Variants in SYCP2L observed in about 807,000 individuals in gnomAD.
SYCP2L encodes synaptonemal complex protein 2-like.
A neutral mutation model predicts 125.8 loss-of-function variants in SYCP2L; 98 were observed. The ratio of observed to expected loss-of-function variants is 0.78; its 90% CI spans 0.66 to 0.92. SYCP2L has a LOEUF of 0.92. SYCP2L is among the 40% of genes least tolerant of loss of function. The pLI is 0.00. For synonymous variants in SYCP2L, 317 were observed against 325.4 expected, an observed-to-expected ratio of 0.97 and a Z score of 0.28; for missense variants, 842 against 936.4, an observed-to-expected ratio of 0.90 and a Z score of 1.32.
intron 20 of SYCP2L, among the ~76,000 whole-genome samples, chr6:10,932,692 A>G (rs2113360546): frequency 6.6e-6 from 1 of 152,326 alleles, no homozygotes; most frequent in South Asian, 2.1e-4. Context: ...ATGGACCCAA[A>G]GAACAGTTTC....
Position 10,958,893 on chromosome 6 carries a change from A to G in SYCP2L, c.2255+18A>G. 1 of 1,610,408 alleles carries G rather than the reference A, an allele frequency of 6.2e-7. No individual in the cohort carries two copies. Among genetic ancestry groups the G allele is most frequent in the South Asian group, 1.1e-5 (1 of 90,936 alleles). On this transcript the variant is annotated intron_variant, in intron 26 of 29. Coordinates refer to ENST00000283141, the MANE Select transcript of SYCP2L (RefSeq NM_001040274.3). ...CTGTTCAGGTAAGTTTTAGGTTTCAAAACAAGGTCGTGGAAGTGTGATCAC... is the reference window on the plus strand; with the variant it reads ...CTGTTCAGGTAAGTTTTAGGTTTCAGAACAAGGTCGTGGAAGTGTGATCAC...
intron 9 of SYCP2L, among the ~76,000 whole-genome samples, chr6:10,906,970 C>A (rs143229812): frequency 4.1e-4 from 62 of 151,866 alleles, no homozygotes; most frequent in African/African-American, 1.4e-3. Context: ...AAATATAACA[C>A]CCATAAATAT....
rs1780292300 is a variant in SYCP2L, at chr6:10,898,205, T to C, written c.441+90T>C. The C allele has an allele frequency of 1.9e-5, 19 of 1,011,516 alleles. 1 individual carries two copies. The highest frequency in any genetic ancestry group is 2.1e-4 in the Middle Eastern group (1 of 4,790). 62.7% of individuals were successfully genotyped at this position (1,011,516 alleles called of 1,614,324 possible). Reference sequence around the variant, plus strand: ...ATTTATAAAACATGGTTTTCTATAATATGTAAGTTTTGTTAAAAGACTCAC... The same window carrying C: ...ATTTATAAAACATGGTTTTCTATAACATGTAAGTTTTGTTAAAAGACTCAC... On this transcript the variant is annotated intron_variant, in intron 5 of 29. Transcript: ENST00000283141.
rs752593979 is a variant in SYCP2L at position 10,887,078 on chromosome 6, CG to C, written c.-48del. The C allele has an allele frequency of 1.6e-5, 26 of 1,613,168 alleles. No individual in the cohort carries two copies. Among genetic ancestry groups the C allele is most frequent in the Middle Eastern group, 1.6e-4 (1 of 6,078 alleles). On this transcript the variant is annotated 5_prime_UTR_variant, in exon 1 of 30. Coordinates refer to ENST00000283141, the MANE Select transcript of SYCP2L (RefSeq NM_001040274.3). ...GGGAAGCAGGAGAGGGCCGACCGAG[CG>C]CAACAAAGCTGAGCGGCGCGTCGCT...
chr6:10,970,668 G>A (rs763993793), intron 29 of SYCP2L, among the ~76,000 whole-genome samples: 2 of 152,156 alleles, frequency 1.3e-5, no homozygotes, highest in Admixed American at 6.5e-5. Context: ...TTGATTGGCC[G>A]GGGAAGGATG....
At chr6:10,928,547 T>C in intron 18 of SYCP2L, 97 bp downstream of exon 18, 1 of 1,409,658 alleles carries the variant, frequency 7.1e-7, no homozygotes, top group East Asian at 2.7e-5. Flanking sequence ...CATTTTCTCC[T>C]GGCCAACCAT....
At chr6:10,922,026 G>T (rs1780808401) in intron 14 of SYCP2L, among the ~76,000 whole-genome samples, 1 of 151,624 alleles carries the variant, frequency 6.6e-6, no homozygotes, top group Non-Finnish European at 1.5e-5. Flanking sequence ...AATGTTTTTT[G>T]TTTGTTTGTT....
chr6:10,906,395 G>A (rs1319498526), intron 9 of SYCP2L, among the ~76,000 whole-genome samples: 6 of 151,326 alleles, frequency 4.0e-5, no homozygotes, highest in Admixed American at 1.3e-4. Context: ...TTTGTTTTTC[G>A]TTCCCAAGCA....
chr6:10,959,817 T>A (rs1417306351), intron 26 of SYCP2L, among the ~76,000 whole-genome samples: 1 of 147,030 alleles, frequency 6.8e-6, no homozygotes, highest in Non-Finnish European at 1.5e-5. Context: ...TGCGGTGAGC[T>A]GAGATCATGC....
chr6:10,922,098 G>C (rs947597307), intron 14 of SYCP2L, among the ~76,000 whole-genome samples: 3 of 152,046 alleles, frequency 2.0e-5, no homozygotes, highest in African/African-American at 7.3e-5. Flanking sequence ...AAAGGAAAAA[G>C]GTAAAAATAA....
intron 14 of SYCP2L, chr6:10,922,905 G>A (rs1780824552): frequency 6.6e-6 from 1 of 152,046 alleles, no homozygotes; most frequent in South Asian, 2.1e-4. Context: ...AATATATTTT[G>A]TTTAACCCAG....
At chr6:10,941,345 C>G (rs1477232314) in intron 21 of SYCP2L, among the ~76,000 whole-genome samples, 1 of 152,066 alleles carries the variant, frequency 6.6e-6, no homozygotes, top group African/African-American at 2.4e-5. Context: ...CAAAAGAAAC[C>G]ACCATCAGAG....
At chr6:10,950,304 A>G (rs76608606) in intron 23 of SYCP2L, among the ~76,000 whole-genome samples, 2 of 152,058 alleles carry the variant, frequency 1.3e-5, no homozygotes, top group South Asian at 2.1e-4. Flanking sequence ...ACTGTATCCA[A>G]ATTTCATGAG....
Position 10,893,888 on chromosome 6 carries a change from G to A in SYCP2L, c.100G>A (p.Ala34Thr). Residue 34 changes from alanine (A) to threonine (T), a missense_variant, in exon 3 of 30, where the codon GCA becomes ACA. Transcript: ENST00000283141. Reference sequence around the variant, plus strand: ...CCAGCTTCAATCACTTATTACGGATGCATTCCATGATAAAGGATTTCAGAA... The same window carrying A: ...CCAGCTTCAATCACTTATTACGGATACATTCCATGATAAAGGATTTCAGAA... ...AFWLQSLITD[A>T]FHDKGFQKIK... The A allele has an allele frequency of 6.2e-7, 1 of 1,609,456 alleles. No individual in the cohort carries two copies. Among genetic ancestry groups the A allele is most frequent in the Non-Finnish European group, 8.5e-7 (1 of 1,179,076 alleles).
At chr6:10,968,744 G>A (rs998759341) in intron 29 of SYCP2L, among the ~76,000 whole-genome samples, 3 of 152,198 alleles carry the variant, frequency 2.0e-5, no homozygotes, top group Admixed American at 6.5e-5. Flanking sequence ...TGTACGCACA[G>A]CATCAGGTGA....
At chr6:10,926,061 A>C (rs1282943160) in intron 15 of SYCP2L, among the ~76,000 whole-genome samples, 1 of 152,146 alleles carries the variant, frequency 6.6e-6, no homozygotes, top group African/African-American at 2.4e-5. Flanking sequence ...GACGTTACCC[A>C]ATGGGGTAAG....
At chr6:10,897,217 T>A (rs1780271825) in intron 4 of SYCP2L, among the ~76,000 whole-genome samples, 5 of 152,162 alleles carry the variant, frequency 3.3e-5, no homozygotes, top group Admixed American at 3.3e-4. Flanking sequence ...TGTATTCCTA[T>A]AGGAAAAAAT....
chr6:10,968,110 G>C (rs1457217147), intron 29 of SYCP2L, among the ~76,000 whole-genome samples: 2 of 152,146 alleles, frequency 1.3e-5, no homozygotes, highest in Non-Finnish European at 2.9e-5. Context: ...ATTTCCAGTG[G>C]ATAAAATTGT....
intron 4 of SYCP2L, among the ~76,000 whole-genome samples, chr6:10,894,606 C>T (rs1042907859): frequency 2.0e-5 from 3 of 152,200 alleles, no homozygotes; most frequent in Non-Finnish European, 4.4e-5. Flanking sequence ...TAACACCTCA[C>T]TTTATCCATT....
Sources: gnomAD v4.1 joint callset for allele counts (sites outside exome capture counted in the v4.1 genomes callset) on GRCh38, gnomAD v4.1.1 for gene constraint, MANE v1.5 for transcripts, NCBI Gene and HGNC (gene_info 2026-07-23, HGNC 2026-07-21) for gene names.